Variants in AGAP1 observed in about 807,000 individuals in gnomAD.
AGAP1 encodes arf-GAP with GTPase, ANK repeat and PH domain-containing protein 1.
AGAP1 carries 29 observed loss-of-function variants against 105.3 expected under a neutral mutation model. The ratio of observed to expected loss-of-function variants is 0.28; its 90% CI spans 0.21 to 0.38. The LOEUF (loss-of-function observed/expected upper bound fraction) is 0.38. Among genes scored for constraint, AGAP1 ranks in the 10% least tolerant of loss-of-function variants. The pLI is 1.00. For synonymous variants in AGAP1, 509 were observed against 485.9 expected (o/e 1.05, Z -0.63); for missense variants, 998 against 1,165.1 (o/e 0.86, Z 2.09).
chr2:236,125,364 A>G lies in AGAP1; in HGVS notation c.*1242A>G, dbSNP rs189432147. ...ATAAGAGGGTTACAGATCATTGTACATGGAAAATATTCCCAGCAGTAAACA... is the reference window on the plus strand; with the variant it reads ...ATAAGAGGGTTACAGATCATTGTACGTGGAAAATATTCCCAGCAGTAAACA... On this transcript the variant is annotated 3_prime_UTR_variant, in exon 18 of 18. Coordinates refer to ENST00000304032, the MANE Select transcript of AGAP1 (RefSeq NM_001037131.3). The surrounding 1 kb of genome is among the most constrained non-coding windows in gnomAD (Gnocchi z 5.2). 13 of 152,774 alleles carry G rather than the reference A, an allele frequency of 8.5e-5. No individual in the cohort carries two copies. In the East Asian group the frequency reaches 2.1e-3, roughly 25 times the overall value. The allele number at this position is 152,774 out of a possible 1,614,324, so 9.5% of individuals were successfully genotyped here.
At position 235,609,591 on chromosome 2, in the gene AGAP1, T is replaced by G. The variant is rs960043356; in HGVS notation, c.164-99588T>G. The stretch of plus-strand genomic sequence containing the variant: ...CTGCTCCTCACTTTGACCCCGGACC[T>G]GCATGCGCGCTGAGGATGGCAGAGG... On this transcript the variant is annotated intron_variant, in intron 1 of 17. Coordinates refer to ENST00000304032, the MANE Select transcript of AGAP1 (RefSeq NM_001037131.3). The surrounding 1 kb of genome is among the most constrained non-coding windows in gnomAD (Gnocchi z 5.1). Among the ~76,000 whole-genome samples, 1 of 152,126 alleles carries G rather than the reference T, an allele frequency of 6.6e-6. No individual in the cohort carries two copies. The highest frequency in any genetic ancestry group is 2.4e-5 in the African/African-American group (1 of 41,436).
At chr2:235,589,228 G>T (rs1168486449) in intron 1 of AGAP1, among the ~76,000 whole-genome samples, 2 of 81,468 alleles carry the variant, frequency 2.5e-5, no homozygotes, top group Admixed American at 1.9e-4. Flanking sequence ...TTTTTGAGAC[G>T]GAGTTTCGTT....
rs1261940199 is a variant in AGAP1, at chr2:235,877,885, T to G, written c.1051-5460T>G. ...GAAAGTGCTTCCGTCTTTTGCCAACTTAAAATTTGTCCTCGCCAGGGGAAT... is the reference window on the plus strand; with the variant it reads ...GAAAGTGCTTCCGTCTTTTGCCAACGTAAAATTTGTCCTCGCCAGGGGAAT... On this transcript the variant is annotated intron_variant, in intron 9 of 17. Transcript: ENST00000304032. This position sits in a 1 kb window ranked among gnomAD's most constrained non-coding sequence, Gnocchi z 4.3. Among the ~76,000 whole-genome samples the G allele has an allele frequency of 6.6e-6, 1 of 152,172 alleles. No homozygotes were observed. Among genetic ancestry groups the G allele is most frequent in the Non-Finnish European group, 1.5e-5 (1 of 68,032 alleles).
At chr2:235,501,531 A>C (rs1941561353) in intron 1 of AGAP1, among the ~76,000 whole-genome samples, 1 of 152,156 alleles carries the variant, frequency 6.6e-6, no homozygotes, top group Non-Finnish European at 1.5e-5. Context: ...TAAGGGAGAG[A>C]AGCAGTGGGG....
At chr2:236,108,253 C>G (rs989121189) in intron 16 of AGAP1, among the ~76,000 whole-genome samples, 1 of 152,236 alleles carries the variant, frequency 6.6e-6, no homozygotes. Flanking sequence ...AAGCCCCTCT[C>G]TCTTCCTCAC....
At chr2:235,636,302 A>G (rs1947000150) in intron 1 of AGAP1, among the ~76,000 whole-genome samples, 1 of 152,144 alleles carries the variant, frequency 6.6e-6, no homozygotes, top group South Asian at 2.1e-4. Flanking sequence ...GGCTGTGTGC[A>G]GACAGACAGG....
chr2:235,828,608 T>A (rs1959173452), intron 9 of AGAP1, among the ~76,000 whole-genome samples: 1 of 152,030 alleles, frequency 6.6e-6, no homozygotes, highest in Admixed American at 6.6e-5. Flanking sequence ...ATTGGAAACG[T>A]AGAGGGTAGT....
rs544297558 is a variant in AGAP1, at chr2:235,753,705, C to CAAAAAA, written c.673+3226_673+3231dup. ...TGGGTGACAGAGCGAGACTCTGTCT[C>CAAAAAA]AAAAAAAAAAAAAAGTAGGATTTTA... On this transcript the variant is annotated intron_variant, in intron 6 of 17. Transcript: ENST00000304032. This position sits in a 1 kb window ranked among gnomAD's most constrained non-coding sequence, Gnocchi z 4.5. Among the ~76,000 whole-genome samples the CAAAAAA allele has an allele frequency of 8.7e-6, 1 of 114,298 alleles. No homozygotes were observed. The allele number at this position is 114,298 out of a possible 152,430, so 75.0% of individuals were successfully genotyped here. A position where few individuals can be genotyped will look rare whatever the true frequency, so the allele number is the denominator to read the frequency against.
At chr2:235,831,198 A>C (rs900358130) in intron 9 of AGAP1, among the ~76,000 whole-genome samples, 55 of 152,032 alleles carry the variant, frequency 3.6e-4, no homozygotes, top group African/African-American at 1.3e-3. Context: ...AAAAAAAAAA[A>C]AAAACAGTAA....
At chr2:235,595,052 C>T (rs569908761) in intron 1 of AGAP1, among the ~76,000 whole-genome samples, 164 of 152,162 alleles carry the variant, frequency 1.1e-3, no homozygotes, top group Non-Finnish European at 1.8e-3. Flanking sequence ...CCAGGTGAGG[C>T]GGGTGTGGCG....
chr2:236,124,028 C>G lies in AGAP1; in HGVS notation c.2480C>G (p.Pro827Arg). 6.2e-7 allele frequency: 1 copy of G among 1,614,070 alleles called. No homozygotes were observed. The highest frequency in any genetic ancestry group is 8.5e-7 in the Non-Finnish European group (1 of 1,180,012). Residue 827 changes from proline (P) to arginine (R), a missense_variant, in exon 18 of 18, where the codon CCC becomes CGC. This residue lies in a region of AGAP1 where 235 missense variants were observed against 270.7 expected (regional missense o/e 0.87). Transcript: ENST00000304032. The surrounding 1 kb of genome is among the most constrained non-coding windows in gnomAD (Gnocchi z 5.1). ...CIDVLLQYGC[P>R]DERFVLMATP... ...GACGTGCTGCTGCAGTACGGCTGCC[C>G]CGACGAGCGCTTCGTGCTCATGGCC...
At chr2:235,624,839 G>A (rs1410344341) in intron 1 of AGAP1, among the ~76,000 whole-genome samples, 6 of 152,100 alleles carry the variant, frequency 3.9e-5, no homozygotes, top group South Asian at 4.2e-4. Flanking sequence ...GGTGATGAGC[G>A]AGTTCTTGCT....
chr2:235,764,199 A>C (rs1459153681), intron 6 of AGAP1, among the ~76,000 whole-genome samples: 1 of 152,210 alleles, frequency 6.6e-6, no homozygotes, highest in Non-Finnish European at 1.5e-5. Flanking sequence ...TCTGAAGTAC[A>C]CTTCAAAGGA....
In AGAP1 at chr2:235,970,338, T is replaced by C. The variant is rs1456604043; in HGVS notation, c.1645+1715T>C. Among the ~76,000 whole-genome samples the C allele has an allele frequency of 2.0e-5, 3 of 152,114 alleles. No homozygotes were observed. Among genetic ancestry groups the C allele is most frequent in the Non-Finnish European group, 4.4e-5 (3 of 68,026 alleles). ...CCACAGATGCCACTGACCTTCCCAC[T>C]GAAAACAGTATCAGCCGCAGGCGCT... On this transcript the variant is annotated intron_variant, in intron 13 of 17. Coordinates refer to ENST00000304032, the MANE Select transcript of AGAP1 (RefSeq NM_001037131.3). This position sits in a 1 kb window ranked among gnomAD's most constrained non-coding sequence, Gnocchi z 5.4.
At chr2:235,778,816 A>C (rs1956074567) in intron 6 of AGAP1, among the ~76,000 whole-genome samples, 1 of 152,108 alleles carries the variant, frequency 6.6e-6, no homozygotes, top group Non-Finnish European at 1.5e-5. Flanking sequence ...GAACAACCAC[A>C]TCTAGACCCT....
At chr2:235,825,859 G>C (rs13428356) in intron 9 of AGAP1, among the ~76,000 whole-genome samples, 7,552 of 152,252 alleles carry the variant, frequency 0.05, 627 homozygotes, top group African/African-American at 0.17. Context: ...ACTTAAAAGA[G>C]TGTCATTGGA....
chr2:235,756,642 A>G (rs1300459973), intron 6 of AGAP1, among the ~76,000 whole-genome samples: 2 of 152,146 alleles, frequency 1.3e-5, no homozygotes, highest in African/African-American at 4.8e-5. Flanking sequence ...TGTATACAGC[A>G]GGGGTCCCCA....
At position 235,959,325 on chromosome 2, in the gene AGAP1, C is replaced by G. The variant is rs1480251920; in HGVS notation, c.1484-9137C>G. ...GGGGCCTCTTCAATTTGAGGAATAC[C>G]TTGTCAGGCGAGGGGAGTAGTTGGA... On this transcript the variant is annotated intron_variant, in intron 12 of 17. Transcript: ENST00000304032. This position sits in a 1 kb window ranked among gnomAD's most constrained non-coding sequence, Gnocchi z 7.3. Among the ~76,000 whole-genome samples the G allele has an allele frequency of 6.6e-6, 1 of 152,188 alleles. No homozygotes were observed. The highest frequency in any genetic ancestry group is 1.5e-5 in the Non-Finnish European group (1 of 68,030).
At position 235,879,215 on chromosome 2, in the gene AGAP1, G is replaced by A. The variant is rs1378648912; in HGVS notation, c.1051-4130G>A. ...TGCCCCTGACTTGTTCCTTTGGGGA[G>A]CAGGGGACATGACTGCACAGCCGGG... On this transcript the variant is annotated intron_variant, in intron 9 of 17. Coordinates refer to ENST00000304032, the MANE Select transcript of AGAP1 (RefSeq NM_001037131.3). The surrounding 1 kb of genome is among the most constrained non-coding windows in gnomAD (Gnocchi z 5.0). Among the ~76,000 whole-genome samples the A allele has an allele frequency of 1.3e-5, 2 of 152,238 alleles. No individual in the cohort carries two copies. The highest frequency in any genetic ancestry group is 2.9e-5 in the Non-Finnish European group (2 of 68,044).
Sources: gnomAD v4.1 joint callset for allele counts (sites outside exome capture counted in the v4.1 genomes callset) on GRCh38, gnomAD v4.1.1 for gene constraint, gnomAD v4.1.1 regional missense constraint, Gnocchi (gnomAD v3.1) non-coding constraint, MANE v1.5 for transcripts, NCBI Gene and HGNC (gene_info 2026-07-23, HGNC 2026-07-21) for gene names.